Variants in CSMD2 observed in about 807,000 individuals in gnomAD.
The protein encoded by CSMD2 is CUB and sushi domain-containing protein 2.
In CSMD2, 130 loss-of-function variants were observed where a neutral mutation model predicts 398.5. The observed-to-expected ratio is 0.33, with a 90% CI of 0.28 to 0.38. The LOEUF (loss-of-function observed/expected upper bound fraction) is 0.38, where lower values mean the gene tolerates loss of function less well. Among genes scored for constraint, CSMD2 ranks in the 10% least tolerant of loss-of-function variants. CSMD2 has a pLI of 1.00. For synonymous variants in CSMD2, 1,828 were observed against 1,908.5 expected (o/e 0.96, Z 1.10); for missense variants, 3,829 against 4,764.9 (o/e 0.80, Z 5.78).
At chr1:33,678,998 C>A (rs1644813449) in intron 25 of CSMD2, among the ~76,000 whole-genome samples, 1 of 152,102 alleles carries the variant, frequency 6.6e-6, no homozygotes, top group African/African-American at 2.4e-5. Flanking sequence ...GCTGGGTGAC[C>A]TCCGGCCAGC....
chr1:33,967,974 G>A (rs1292379259), intron 3 of CSMD2, among the ~76,000 whole-genome samples: 2 of 152,136 alleles, frequency 1.3e-5, no homozygotes, highest in Middle Eastern at 3.2e-3. Context: ...CACTGCAGGA[G>A]TATTCTTAGA....
intron 41 of CSMD2, among the ~76,000 whole-genome samples, chr1:33,607,995 A>G (rs1640739536): frequency 6.6e-6 from 1 of 152,190 alleles, no homozygotes. Flanking sequence ...GGAGGCTGCA[A>G]ACCTCAGTGG....
Position 34,155,106 on chromosome 1 carries a change from A to G in CSMD2, c.187+9805T>C, listed in dbSNP as rs556864529. Among the ~76,000 whole-genome samples, 278 of 152,280 alleles carry G rather than the reference A, an allele frequency of 1.8e-3. 1 individual carries two copies. The highest frequency in any genetic ancestry group is 3.3e-3 in the Non-Finnish European group (227 of 68,022). On this transcript the variant is annotated intron_variant, in intron 1 of 70. Transcript: ENST00000373381. ...GGGATTGGGATAGCTTAGCTTCAGG[A>G]TTGGGGATGAAGGGAGGCAAACTTT...
chr1:33,981,606 C>G (rs1329095618), intron 3 of CSMD2, among the ~76,000 whole-genome samples: 1 of 152,242 alleles, frequency 6.6e-6, no homozygotes, highest in Non-Finnish European at 1.5e-5. Context: ...GGGCCACGCA[C>G]TGAGTATACA....
At chr1:33,651,393 C>G (rs1643746993) in intron 28 of CSMD2, among the ~76,000 whole-genome samples, 1 of 152,214 alleles carries the variant, frequency 6.6e-6, no homozygotes, top group African/African-American at 2.4e-5. Flanking sequence ...TGTACATGCT[C>G]ATTTGCAGTG....
chr1:33,793,994 C>T (rs1259299021), intron 10 of CSMD2, among the ~76,000 whole-genome samples: 1 of 152,170 alleles, frequency 6.6e-6, no homozygotes, highest in Non-Finnish European at 1.5e-5. Context: ...TCCTCATTCC[C>T]CCAACAGGGA....
rs202044244 is a variant in CSMD2 at position 33,541,327 on chromosome 1, T to C, written c.9278-18A>G. 273 of 1,609,146 alleles carry C rather than the reference T, an allele frequency of 1.7e-4. No homozygotes were observed. In the African/African-American group the frequency reaches 3.2e-3, roughly 19 times the overall value. On this transcript the variant is annotated intron_variant, in intron 58 of 70. Transcript: ENST00000373381. ...GTTTATGACTAGGATAAGAGAGATA[T>C]AGCATTGTTCACTCCTGGCCAGGAC...
chr1:33,520,419 G>A (rs1476047508), intron 68 of CSMD2, among the ~76,000 whole-genome samples: 1 of 152,180 alleles, frequency 6.6e-6, no homozygotes, highest in Non-Finnish European at 1.5e-5. Flanking sequence ...CTGCAGACTG[G>A]GAAGGCTCAG....
At position 33,674,793 on chromosome 1, in the gene CSMD2, G is replaced by C. The variant is rs533476525; in HGVS notation, c.4053-11701C>G. ...ACAGTGCAATCAAACTAGAACTCAG[G>C]GTTAAGAAACTCACTCAAAACCGCT... On this transcript the variant is annotated intron_variant, in intron 25 of 70. Transcript: ENST00000373381. Among the ~76,000 whole-genome samples, 3 of 152,298 alleles carry C rather than the reference G, an allele frequency of 2.0e-5. 1 individual carries two copies. The highest frequency in any genetic ancestry group is 6.8e-3 in the Middle Eastern group (2 of 294).
intron 5 of CSMD2, among the ~76,000 whole-genome samples, chr1:33,880,801 A>C (rs1469394542): frequency 6.6e-6 from 1 of 152,218 alleles, no homozygotes; most frequent in Non-Finnish European, 1.5e-5. Context: ...AGACCTACCA[A>C]GGGGACAACT....
At chr1:33,934,242 T>C (rs1644398164) in intron 4 of CSMD2, among the ~76,000 whole-genome samples, 1 of 152,202 alleles carries the variant, frequency 6.6e-6, no homozygotes, top group African/African-American at 2.4e-5. Flanking sequence ...CCTCCCAGAC[T>C]GATATATGGA....
At position 33,988,998 on chromosome 1, in the gene CSMD2, A is replaced by C. The variant is rs1048186315; in HGVS notation, c.517+43596T>G. Among the ~76,000 whole-genome samples, 10 of 131,682 alleles carry C rather than the reference A, an allele frequency of 7.6e-5. No individual in the cohort carries two copies. The Admixed American group carries it at 8.0e-4, about 10-fold the overall frequency. 86.4% of individuals were successfully genotyped at this position (131,682 alleles called of 152,430 possible). On this transcript the variant is annotated intron_variant, in intron 3 of 70. Coordinates refer to ENST00000373381, the MANE Select transcript of CSMD2 (RefSeq NM_001281956.2). The stretch of plus-strand genomic sequence containing the variant: ...CTTCATGGCTTTGGGACAGGTAAAA[A>C]TCTCTCTCTCTCTCCATATATATAT...
intron 1 of CSMD2, among the ~76,000 whole-genome samples, chr1:34,134,890 C>T (rs184119238): frequency 6.6e-5 from 10 of 152,226 alleles, no homozygotes; most frequent in East Asian, 3.9e-4. Context: ...CCATCAGATT[C>T]GCAAGTTTTT....
chr1:33,693,548 G>C (rs1025798603), intron 24 of CSMD2, among the ~76,000 whole-genome samples: 28 of 152,260 alleles, frequency 1.8e-4, no homozygotes, highest in African/African-American at 6.7e-4. Flanking sequence ...TCCTCAAAAT[G>C]TTAAACATAG....
At position 33,577,419 on chromosome 1, in the gene CSMD2, G is replaced by C. The variant is rs752328443; in HGVS notation, c.7453C>G (p.Pro2485Ala). Residue 2485 changes from proline to alanine, a missense_variant, in exon 49 of 71, where the codon CCC becomes GCC. Transcript: ENST00000373381. The stretch of plus-strand genomic sequence containing the variant: ...CAGCCAAAGTGGATGGAGCCCCCGG[G>C]CTGGGTGCTGGTCTGGCCTAGGATG... ...GFILGQTSTQ[P>A]GGSIHFGCNA... The C allele has an allele frequency of 6.2e-7, 1 of 1,614,134 alleles. No homozygotes were observed. The highest frequency in any genetic ancestry group is 1.7e-5 in the Admixed American group (1 of 60,022).
intron 2 of CSMD2, among the ~76,000 whole-genome samples, chr1:34,070,621 C>G (rs981738563): frequency 6.6e-6 from 1 of 152,214 alleles, no homozygotes; most frequent in African/African-American, 2.4e-5. Context: ...TGGGCACTTA[C>G]ATGGGTGGAG....
At chr1:33,551,897 G>A (rs1404564635) in intron 55 of CSMD2, among the ~76,000 whole-genome samples, 3 of 152,180 alleles carry the variant, frequency 2.0e-5, no homozygotes, top group Non-Finnish European at 4.4e-5. Context: ...AAGTTTGGCA[G>A]AGACTACGGA....
chr1:33,732,532 G>C (rs1310001078), intron 15 of CSMD2, among the ~76,000 whole-genome samples: 1 of 152,198 alleles, frequency 6.6e-6, no homozygotes, highest in Non-Finnish European at 1.5e-5. Flanking sequence ...GAGGAAGTGG[G>C]CATCTGCAAG....
intron 51 of CSMD2, among the ~76,000 whole-genome samples, chr1:33,571,170 T>C (rs1460796808): frequency 6.6e-6 from 1 of 152,208 alleles, no homozygotes; most frequent in African/African-American, 2.4e-5. Context: ...TTTATGTGTC[T>C]GCCTCTCCAG....
Sources: gnomAD v4.1 joint callset for allele counts (sites outside exome capture counted in the v4.1 genomes callset) on GRCh38, gnomAD v4.1.1 for gene constraint, MANE v1.5 for transcripts, NCBI Gene and HGNC (gene_info 2026-07-23, HGNC 2026-07-21) for gene names.